Variants in DNAAF5 observed in about 807,000 individuals in gnomAD.
DNAAF5 encodes the protein HEAT repeat containing 2.
In DNAAF5, 64 loss-of-function variants were observed where a neutral mutation model predicts 75.8. That is an observed-to-expected ratio of 0.84 (90% confidence interval 0.69 to 1.04). DNAAF5 has a LOEUF of 1.04. DNAAF5 is among the 50% of genes least tolerant of loss of function. The pLI is 0.00. For missense variants in DNAAF5, 1,269 were observed against 1,178.5 expected (o/e 1.08, Z -1.12); for synonymous variants, 657 against 557.2 (o/e 1.18, Z -2.52).
chr7:762,543 G>A (rs762096061), intron 7 of DNAAF5, among the ~76,000 whole-genome samples: 2 of 151,672 alleles, frequency 1.3e-5, no homozygotes, highest in Non-Finnish European at 2.9e-5. Flanking sequence ...AGAAGATACC[G>A]TGATTTCCCG....
At chr7:779,436 A>T (rs571877933) in intron 11 of DNAAF5, among the ~76,000 whole-genome samples, 2 of 152,378 alleles carry the variant, frequency 1.3e-5, no homozygotes, top group South Asian at 2.1e-4. Context: ...GATAAAAATT[A>T]TGTCCATTAA....
At chr7:768,910 G>C in intron 8 of DNAAF5, 1 of 536,932 alleles carries the variant, frequency 1.9e-6, no homozygotes. Context: ...GAAGCAGCGT[G>C]GTTCTCGTGG....
intron 6 of DNAAF5, among the ~76,000 whole-genome samples, chr7:757,411 C>A (rs531073192): frequency 6.6e-6 from 1 of 152,220 alleles, no homozygotes; most frequent in Non-Finnish European, 1.5e-5. Flanking sequence ...GTCATCCCAC[C>A]CCTGAGGAGC....
intron 11 of DNAAF5, among the ~76,000 whole-genome samples, chr7:775,387 A>C (rs932797129): frequency 6.6e-6 from 1 of 151,944 alleles, no homozygotes; most frequent in Non-Finnish European, 1.5e-5. Flanking sequence ...CTCAACAAAA[A>C]ATTTAAAAAT....
chr7:775,209 T>C (rs1379625221), intron 11 of DNAAF5, 47 bp downstream of exon 11: 9 of 1,577,624 alleles, frequency 5.7e-6, no homozygotes, highest in Non-Finnish European at 7.8e-6. Context: ...CAGTCAGCCC[T>C]CCGTGTCCCT....
intron 11 of DNAAF5, among the ~76,000 whole-genome samples, chr7:777,054 G>A (rs912449009): frequency 6.6e-5 from 10 of 152,138 alleles, no homozygotes; most frequent in South Asian, 2.1e-4. Context: ...GTCTCCCATC[G>A]TCCCCACATG....
intron 4 of DNAAF5, among the ~76,000 whole-genome samples, chr7:743,123 G>C (rs1486505060): frequency 6.6e-6 from 1 of 152,198 alleles, no homozygotes; most frequent in East Asian, 1.9e-4. Flanking sequence ...CAACTACGCG[G>C]GGGGCCAGGG....
rs774146132 is a variant in DNAAF5, at chr7:780,085, A to G, written c.2372A>G (p.Tyr791Cys). ...TATCAGAGCAGTGTCCAGTACCTGT[A>G]CCGAGAGTTGCTGGTTCACCTTGAC... The part of the protein sequence containing the change: ...SYYQSSVQYL[Y>C]RELLVHLDDP... The change falls in exon 12 of 13, where the codon TAC becomes TGC. Residue 791 changes from tyrosine to cysteine, a missense_variant. Transcript: ENST00000297440. 3 of 1,614,200 alleles carry G rather than the reference A, an allele frequency of 1.9e-6. No individual in the cohort carries two copies. In the African/African-American group the frequency reaches 4.0e-5, roughly 22 times the overall value.
chr7:769,746 C>T (rs568214491), intron 8 of DNAAF5, among the ~76,000 whole-genome samples: 1 of 152,278 alleles, frequency 6.6e-6, no homozygotes, highest in South Asian at 2.1e-4. Flanking sequence ...CAACTTCCGC[C>T]TCACGGGTTC....
At position 729,710 on chromosome 7, in the gene DNAAF5, A is replaced by G. The variant is rs145219827; in HGVS notation, c.643A>G (p.Thr215Ala). 1.2e-6 allele frequency: 2 copies of G among 1,614,080 alleles called. No homozygotes were observed. The highest frequency in any genetic ancestry group is 2.2e-5 in the South Asian group (2 of 91,082). Residue 215 changes from threonine (T) to alanine (A), a missense_variant, in exon 2 of 13, where the codon ACC (threonine) becomes GCC (alanine). By Grantham distance (58) the Thr-to-Ala change is moderately conservative. Coordinates refer to ENST00000297440, the MANE Select transcript of DNAAF5 (RefSeq NM_017802.4). ...GTCTCTGATCGGGCCCCTGATGCAG[A>G]CCATCTCCCACCAGCACTGGAAGGT... ...SESLIGPLMQ[T>A]ISHQHWKVRV...
intron 4 of DNAAF5, among the ~76,000 whole-genome samples, chr7:750,038 A>T (rs771454036): frequency 3.9e-5 from 6 of 152,234 alleles, no homozygotes; most frequent in Non-Finnish European, 5.9e-5. Context: ...AACAGGCTTC[A>T]GAACCATGTT....
rs1429763253 is a variant in DNAAF5 at position 733,418 on chromosome 7, A to G, written c.780+3571A>G. Among the ~76,000 whole-genome samples the G allele has an allele frequency of 2.0e-5, 3 of 152,148 alleles. No individual in the cohort carries two copies. In the East Asian group the frequency reaches 5.8e-4, roughly 29 times the overall value. ...ATGGACATTTTGGGTAGTATGGACA[A>G]TATTGATTCTTCCAGTCCATGGAGT... On this transcript the variant is annotated intron_variant, in intron 2 of 12. Transcript: ENST00000297440.
In DNAAF5 at chr7:737,544, G is replaced by A. The variant is rs116717426; in HGVS notation, c.781-3275G>A. Among the ~76,000 whole-genome samples the A allele has an allele frequency of 4.4e-3, 665 of 152,234 alleles. 8 individuals carry two copies. The highest frequency in any genetic ancestry group is 0.015 in the African/African-American group (639 of 41,528). On this transcript the variant is annotated intron_variant, in intron 2 of 12. Coordinates refer to ENST00000297440, the MANE Select transcript of DNAAF5 (RefSeq NM_017802.4). ...TTATCCTTTTAGATGATTTCTTATT[G>A]CTCCTCAGCATCCTTATTTTTCAGA...
intron 2 of DNAAF5, among the ~76,000 whole-genome samples, chr7:738,030 T>A (rs1440332430): frequency 6.6e-6 from 1 of 152,236 alleles, no homozygotes; most frequent in Non-Finnish European, 1.5e-5. Flanking sequence ...TACCTGCTCT[T>A]GAAGGCCAGG....
At chr7:749,122 T>C (rs1782210972) in intron 4 of DNAAF5, among the ~76,000 whole-genome samples, 2 of 151,864 alleles carry the variant, frequency 1.3e-5, no homozygotes, top group South Asian at 4.2e-4. Context: ...AGCTTCGTGC[T>C]GGGAGGGTTG....
Position 726,897 on chromosome 7 carries a change from G to A in DNAAF5, c.177G>A (p.Glu59=), listed in dbSNP as rs1781321010. ...ALEALRRALE[E]PGPAADPTAF... Reference sequence around the variant, plus strand: ...AGGCCCTGCGGCGCGCGCTGGAGGAGCCAGGCCCTGCCGCCGACCCCACCG... The same window carrying A: ...AGGCCCTGCGGCGCGCGCTGGAGGAACCAGGCCCTGCCGCCGACCCCACCG... Residue 59 remains glutamate (E), a synonymous_variant, in exon 1 of 13, where the codon GAG becomes GAA. Transcript: ENST00000297440. 2.2e-6 allele frequency: 3 copies of A among 1,343,950 alleles called. No homozygotes were observed. The highest frequency in any genetic ancestry group is 2.9e-6 in the Non-Finnish European group (3 of 1,047,626). The allele number at this position is 1,343,950 out of a possible 1,614,324, so 83.3% of individuals were successfully genotyped here. A position where few individuals can be genotyped will look rare whatever the true frequency, so the allele number is the denominator to read the frequency against.
intron 8 of DNAAF5, chr7:769,156 C>T (rs776991958): frequency 3.4e-5 from 26 of 773,000 alleles, no homozygotes; most frequent in East Asian, 2.2e-4. Context: ...TGATGACTGG[C>T]GGCGCCAGGG....
At chr7:728,236 C>A (rs886158820) in intron 1 of DNAAF5, among the ~76,000 whole-genome samples, 1 of 152,168 alleles carries the variant, frequency 6.6e-6, no homozygotes, top group African/African-American at 2.4e-5. Context: ...CGCCTGCTTC[C>A]TGCTGGCGGG....
intron 2 of DNAAF5, among the ~76,000 whole-genome samples, chr7:730,271 C>T (rs541083872): frequency 9.2e-5 from 14 of 152,114 alleles, no homozygotes; most frequent in African/African-American, 2.9e-4. Context: ...CACCAAGAGA[C>T]GGGCAGGCAG....
Sources: allele counts gnomAD v4.1 joint callset (sites outside exome capture counted in the v4.1 genomes callset), GRCh38; gene constraint gnomAD v4.1.1; transcripts MANE v1.5; gene names NCBI Gene and HGNC (gene_info 2026-07-23, HGNC 2026-07-21).